CERS6: variants seen among roughly 807,000 people sequenced by gnomAD.
The protein encoded by CERS6 is ceramide synthase 6, also known as LAG1 homolog, ceramide synthase 6.
In CERS6, 26 loss-of-function variants were observed where a neutral mutation model predicts 56.8. The observed-to-expected ratio is 0.46, with a 90% confidence interval of 0.34 to 0.63. The LOEUF (loss-of-function observed/expected upper bound fraction) is 0.63. CERS6 is among the 30% of genes least tolerant of loss of function. The probability of loss-of-function intolerance (pLI) is 0.01; values close to 1 mark genes in which losing one functional copy is unlikely to be tolerated. For missense variants in CERS6, 415 were observed against 467.5 expected, an observed-to-expected ratio of 0.89 and a Z score of 1.04; for synonymous variants, 164 against 173.3, an observed-to-expected ratio of 0.95 and a Z score of 0.42.
chr2:168,770,126 C>T lies in CERS6; in HGVS notation c.*464C>T, dbSNP rs1684826682. 1 of 162,602 alleles carries T rather than the reference C, an allele frequency of 6.1e-6. No homozygotes were observed. The highest frequency in any genetic ancestry group is 6.5e-5 in the Admixed American group (1 of 15,316). The allele number at this position is 162,602 out of a possible 1,614,324, so 10.1% of individuals were successfully genotyped here. The stretch of plus-strand genomic sequence containing the variant: ...TCTCGTTCAGCTCTAAATAGGTTTG[C>T]TTTCTTTTAGTTACAGTGCCCATTT... On this transcript the variant is annotated 3_prime_UTR_variant, in exon 10 of 10. Transcript: ENST00000305747.
intron 4 of CERS6, among the ~76,000 whole-genome samples, chr2:168,655,225 AAG>A (rs1685440227): frequency 1.3e-5 from 2 of 152,154 alleles, no homozygotes; most frequent in South Asian, 4.1e-4. Context: ...TCAAAAAGAA[AAG>A]AGAGAAATGT....
At chr2:168,751,868 C>G (rs914463006) in intron 8 of CERS6, among the ~76,000 whole-genome samples, 1 of 152,154 alleles carries the variant, frequency 6.6e-6, no homozygotes, top group Non-Finnish European at 1.5e-5. Context: ...TTGTGTATAC[C>G]CTTTGCTTTC....
intron 1 of CERS6, among the ~76,000 whole-genome samples, chr2:168,520,146 C>T (rs1340732480): frequency 6.6e-6 from 1 of 152,134 alleles, no homozygotes; most frequent in Non-Finnish European, 1.5e-5. Flanking sequence ...GATCTTATCT[C>T]ACTGTGGTTT....
intron 1 of CERS6, among the ~76,000 whole-genome samples, chr2:168,483,450 A>G (rs79597707): frequency 0.017 from 2,632 of 152,192 alleles, 70 homozygotes; most frequent in African/African-American, 0.061. Context: ...GGGAGGGCCA[A>G]TCTCTTTCTA....
chr2:168,595,922 A>G (rs1159358372), intron 3 of CERS6, among the ~76,000 whole-genome samples: 1 of 151,976 alleles, frequency 6.6e-6, no homozygotes, highest in Non-Finnish European at 1.5e-5. Context: ...TTCCAGATGT[A>G]AAGGAAAGGT....
At chr2:168,669,500 G>A (rs946413785) in intron 4 of CERS6, among the ~76,000 whole-genome samples, 31 of 152,302 alleles carry the variant, frequency 2.0e-4, no homozygotes, top group Non-Finnish European at 3.1e-4. Context: ...AGAGAAGGGA[G>A]AATGATGTTG....
At chr2:168,742,701 G>A (rs1232474174) in intron 8 of CERS6, among the ~76,000 whole-genome samples, 2 of 152,216 alleles carry the variant, frequency 1.3e-5, no homozygotes, top group African/African-American at 4.8e-5. Context: ...AGGTGGGAAT[G>A]GCCTTGGTCT....
At chr2:168,521,733 G>A (rs1342209143) in intron 1 of CERS6, among the ~76,000 whole-genome samples, 3 of 152,180 alleles carry the variant, frequency 2.0e-5, no homozygotes, top group Admixed American at 2.0e-4. Context: ...CCAGTAGCTT[G>A]GGAGCTTCCC....
chr2:168,701,144 C>A (rs1686796182), intron 6 of CERS6, among the ~76,000 whole-genome samples: 1 of 152,132 alleles, frequency 6.6e-6, no homozygotes, highest in Non-Finnish European at 1.5e-5. Flanking sequence ...AAGCAGAGTC[C>A]CTGGCCCCCA....
intron 8 of CERS6, among the ~76,000 whole-genome samples, chr2:168,723,021 C>T (rs758597626): frequency 6.6e-6 from 1 of 152,172 alleles, no homozygotes; most frequent in African/African-American, 2.4e-5. Context: ...GCCCTGCTGA[C>T]CTGTTTAATG....
rs1558955752 is a variant in CERS6 at position 168,456,656 on chromosome 2, GCACACACACGCGCGCA to G, written c.170+44_170+59del. The G allele has an allele frequency of 6.3e-7, 1 of 1,588,682 alleles. No individual in the cohort carries two copies. Among genetic ancestry groups the G allele is most frequent in the South Asian group, 1.1e-5 (1 of 89,294 alleles). Reference sequence around the variant, plus strand: ...GAAGCCCCTCCTCCCCTCCCCCTGCGCACACACACGCGCGCACACACTCGCGCGCTCTCTGGCGCAC... The same window carrying G: ...GAAGCCCCTCCTCCCCTCCCCCTGCGCACACTCGCGCGCTCTCTGGCGCAC... On this transcript the variant is annotated intron_variant, in intron 1 of 9. Transcript: ENST00000305747. The surrounding 1 kb of genome is among the most constrained non-coding windows in gnomAD (Gnocchi z 4.1).
chr2:168,673,841 G>C (rs1348719324), intron 4 of CERS6, among the ~76,000 whole-genome samples: 1 of 152,178 alleles, frequency 6.6e-6, no homozygotes, highest in Non-Finnish European at 1.5e-5. Context: ...GCACGTGTTT[G>C]AATTTTGTAT....
intron 3 of CERS6, among the ~76,000 whole-genome samples, chr2:168,618,019 A>G (rs943310054): frequency 4.3e-4 from 65 of 152,258 alleles, no homozygotes; most frequent in African/African-American, 1.5e-3. Flanking sequence ...CAACATGTCA[A>G]AAAGATAATC....
intron 3 of CERS6, among the ~76,000 whole-genome samples, chr2:168,573,391 G>A (rs1696026395): frequency 1.3e-5 from 2 of 152,180 alleles, no homozygotes. Flanking sequence ...GGTCAATGTA[G>A]AGAGCTTCTT....
At chr2:168,676,385 T>C (rs1208431926) in intron 4 of CERS6, among the ~76,000 whole-genome samples, 1 of 152,242 alleles carries the variant, frequency 6.6e-6, no homozygotes, top group Non-Finnish European at 1.5e-5. Context: ...TACGGAGATC[T>C]TGCAAGTGTT....
chr2:168,541,768 C>T (rs2105369082), intron 1 of CERS6, among the ~76,000 whole-genome samples: 1 of 152,332 alleles, frequency 6.6e-6, no homozygotes, highest in Admixed American at 6.5e-5. Flanking sequence ...TAGCTCCTAT[C>T]TGCATTCAGT....
intron 1 of CERS6, among the ~76,000 whole-genome samples, chr2:168,527,754 G>A (rs1400880389): frequency 1.3e-5 from 2 of 152,036 alleles, no homozygotes; most frequent in African/African-American, 2.4e-5. Flanking sequence ...AGAGTTTGGC[G>A]CTATTGCCCA....
At position 168,773,505 on chromosome 2, in the gene CERS6, A is replaced by G. The variant is rs1309027572; in HGVS notation, c.*3843A>G. ...TTTCTAACATTTAAATAAGAAAAAA[A>G]TCAAATCGAAGTCAGCCTGCTGGAA... On this transcript the variant is annotated 3_prime_UTR_variant, in exon 10 of 10. Coordinates refer to ENST00000305747, the MANE Select transcript of CERS6 (RefSeq NM_203463.3). The G allele has an allele frequency of 6.6e-6, 1 of 152,208 alleles. No homozygotes were observed. The highest frequency in any genetic ancestry group is 1.5e-5 in the Non-Finnish European group (1 of 68,040). The allele number at this position is 152,208 out of a possible 1,614,324, so 9.4% of individuals were successfully genotyped here.
At chr2:168,721,739 T>G (rs929400391) in intron 8 of CERS6, among the ~76,000 whole-genome samples, 1 of 151,798 alleles carries the variant, frequency 6.6e-6, no homozygotes, top group Non-Finnish European at 1.5e-5. Flanking sequence ...CTGCCTCAGT[T>G]TCTTGAGTAG....
Sources: allele counts gnomAD v4.1 joint callset (sites outside exome capture counted in the v4.1 genomes callset), GRCh38; gene constraint gnomAD v4.1.1; non-coding constraint Gnocchi (gnomAD v3.1); transcripts MANE v1.5; gene names NCBI Gene and HGNC (gene_info 2026-07-23, HGNC 2026-07-21).